NAV2: variants seen among roughly 807,000 people sequenced by gnomAD.
NAV2 encodes neuron navigator 2.
In NAV2, 54 loss-of-function variants were observed where a neutral mutation model predicts 223.2. The ratio of observed to expected loss-of-function variants is 0.24; its 90% CI spans 0.19 to 0.30. NAV2 has a LOEUF of 0.30. Among genes scored for constraint, NAV2 ranks in the 10% least tolerant of loss-of-function variants. The pLI is 1.00. For synonymous variants in NAV2, 1,279 were observed against 1,239.3 expected, an observed-to-expected ratio of 1.03 and a Z score of -0.67; for missense variants, 2,806 against 3,147.5, an observed-to-expected ratio of 0.89 and a Z score of 2.60.
At chr11:19,463,928 CA>C (rs1254823613) in intron 1 of NAV2, among the ~76,000 whole-genome samples, 1 of 152,128 alleles carries the variant, frequency 6.6e-6, no homozygotes, top group Non-Finnish European at 1.5e-5. Context: ...AGGGAGCAGG[CA>C]GGTGAGTGTC....
chr11:19,483,012 C>A (rs140873260), intron 1 of NAV2, among the ~76,000 whole-genome samples: 194 of 152,292 alleles, frequency 1.3e-3, no homozygotes, highest in African/African-American at 4.5e-3. Flanking sequence ...TTCCCACATC[C>A]CATGTCTTAA....
At chr11:19,948,084 A>T (rs1043668649) in intron 9 of NAV2, among the ~76,000 whole-genome samples, 2 of 146,698 alleles carry the variant, frequency 1.4e-5, no homozygotes, top group Non-Finnish European at 3.0e-5. Flanking sequence ...GAAAATTCTT[A>T]TTTTTTTTTT....
intron 1 of NAV2, among the ~76,000 whole-genome samples, chr11:19,813,756 G>C (rs187794494): frequency 1.3e-5 from 2 of 152,322 alleles, no homozygotes; most frequent in East Asian, 3.9e-4. Flanking sequence ...TGACTGCTGA[G>C]GACTGCGCTG....
chr11:19,361,197 G>T (rs1315178093), intron 1 of NAV2, among the ~76,000 whole-genome samples: 1 of 103,268 alleles, frequency 9.7e-6, no homozygotes, highest in Non-Finnish European at 2.3e-5. Context: ...GGTGTATTTT[G>T]TTGGTGCTGA....
chr11:19,514,690 G>A (rs143544311), intron 1 of NAV2, among the ~76,000 whole-genome samples: 1 of 152,256 alleles, frequency 6.6e-6, no homozygotes, highest in East Asian at 1.9e-4. Context: ...CCAGGCTCTG[G>A]GAGAAACTTC....
intron 11 of NAV2, chr11:20,027,116 T>C (rs138805707): frequency 1.6e-5 from 4 of 255,552 alleles, no homozygotes; most frequent in African/African-American, 9.2e-5. Context: ...TGGATTTTCT[T>C]AACAGGCCCC....
chr11:19,983,558 T>G (rs1023232942), intron 10 of NAV2, among the ~76,000 whole-genome samples: 2 of 152,194 alleles, frequency 1.3e-5, no homozygotes, highest in African/African-American at 4.8e-5. Flanking sequence ...TGTTGTGATA[T>G]TCCCACATGT....
intron 8 of NAV2, among the ~76,000 whole-genome samples, chr11:19,942,842 G>A (rs1335404791): frequency 6.6e-6 from 1 of 152,138 alleles, no homozygotes; most frequent in Non-Finnish European, 1.5e-5. Context: ...AATTAGCCAG[G>A]CATGGTGGTG....
intron 11 of NAV2, among the ~76,000 whole-genome samples, chr11:19,988,988 C>A (rs1267923651): frequency 6.6e-6 from 1 of 152,156 alleles, no homozygotes; most frequent in Non-Finnish European, 1.5e-5. Context: ...GTGGTAGGTC[C>A]CCAACAAGCC....
rs528264971 is a variant in NAV2 at position 19,844,186 on chromosome 11, G to A, written c.438+1263G>A. Among the ~76,000 whole-genome samples, 5 of 152,254 alleles carry A rather than the reference G, an allele frequency of 3.3e-5. No individual in the cohort carries two copies. In the East Asian group the frequency reaches 9.6e-4, roughly 29 times the overall value. Reference sequence around the variant, plus strand: ...GCTGCAGCTACTGCAGCTGTCTAGGGTATTAATAATTGAGAAAATTTGGAT... The same window carrying A: ...GCTGCAGCTACTGCAGCTGTCTAGGATATTAATAATTGAGAAAATTTGGAT... On this transcript the variant is annotated intron_variant, in intron 3 of 37. Transcript: ENST00000349880.
At chr11:19,676,559 T>C (rs1437520103) in intron 1 of NAV2, among the ~76,000 whole-genome samples, 2 of 152,204 alleles carry the variant, frequency 1.3e-5, no homozygotes, top group African/African-American at 4.8e-5. Flanking sequence ...TCCTGTAGCT[T>C]GGTTTCCGGC....
intron 11 of NAV2, among the ~76,000 whole-genome samples, chr11:20,004,704 A>G (rs1037609368): frequency 2.0e-5 from 3 of 152,146 alleles, no homozygotes; most frequent in African/African-American, 7.2e-5. Context: ...TGCTTTTCAC[A>G]TTACAAACAT....
chr11:19,470,441 C>T (rs2041927362), intron 1 of NAV2, among the ~76,000 whole-genome samples: 1 of 152,124 alleles, frequency 6.6e-6, no homozygotes, highest in Non-Finnish European at 1.5e-5. Context: ...TGTGGAAGCT[C>T]AGAAGTCTGA....
chr11:19,366,798 G>A (rs1590060938), intron 1 of NAV2, among the ~76,000 whole-genome samples: 1 of 152,138 alleles, frequency 6.6e-6, no homozygotes, highest in South Asian at 2.1e-4. Context: ...CTGAGAATGT[G>A]CATAGTGAGA....
At chr11:19,756,211 G>C (rs1211245083) in intron 1 of NAV2, among the ~76,000 whole-genome samples, 1 of 152,128 alleles carries the variant, frequency 6.6e-6, no homozygotes, top group Non-Finnish European at 1.5e-5. Flanking sequence ...CGCACATTCA[G>C]GTGTTTCTGC....
At chr11:19,739,764 G>A (rs2052634269) in intron 1 of NAV2, among the ~76,000 whole-genome samples, 1 of 152,174 alleles carries the variant, frequency 6.6e-6, no homozygotes, top group Non-Finnish European at 1.5e-5. Flanking sequence ...TGGAAACAGA[G>A]GAGACTGGTA....
At chr11:19,685,533 G>A (rs1214802404) in intron 1 of NAV2, among the ~76,000 whole-genome samples, 2 of 152,136 alleles carry the variant, frequency 1.3e-5, no homozygotes, top group Admixed American at 1.3e-4. Flanking sequence ...CAGATCCAGG[G>A]TTCCCATGCA....
chr11:19,940,061 G>A (rs1341764392), intron 8 of NAV2, among the ~76,000 whole-genome samples: 1 of 151,638 alleles, frequency 6.6e-6, no homozygotes, highest in Non-Finnish European at 1.5e-5. Flanking sequence ...TTCATTTAGG[G>A]GCTCTGGACT....
At chr11:19,727,579 G>A (rs1223365411) in intron 1 of NAV2, among the ~76,000 whole-genome samples, 1 of 152,248 alleles carries the variant, frequency 6.6e-6, no homozygotes, top group African/African-American at 2.4e-5. Flanking sequence ...TGCCTGTGGA[G>A]GCATTTCTTT....
Sources: gnomAD v4.1 joint callset for allele counts (sites outside exome capture counted in the v4.1 genomes callset) on GRCh38, gnomAD v4.1.1 for gene constraint, MANE v1.5 for transcripts, NCBI Gene and HGNC (gene_info 2026-07-23, HGNC 2026-07-21) for gene names.